Variants in NCALD observed in about 807,000 individuals in gnomAD.
NCALD encodes neurocalcin delta.
Under a neutral mutation model 18.6 loss-of-function variants are expected in NCALD, and 10 were observed. The observed-to-expected ratio is 0.54, with a 90% CI of 0.33 to 0.91. NCALD has a LOEUF of 0.91. NCALD is among the 40% of genes least tolerant of loss of function. The pLI, the probability that NCALD is intolerant of heterozygous loss-of-function variation, is 0.03. For synonymous variants in NCALD, 88 were observed against 87.4 expected (o/e 1.01, Z -0.04); for missense variants, 184 against 247.6 (o/e 0.74, Z 1.72).
At chr8:102,078,182 A>C (rs1208166423) in intron 1 of NCALD, among the ~76,000 whole-genome samples, 3 of 151,908 alleles carry the variant, frequency 2.0e-5, no homozygotes, top group Admixed American at 6.6e-5. Flanking sequence ...ACCTCAATTT[A>C]TCTCTTCTTT....
intron 2 of NCALD, among the ~76,000 whole-genome samples, chr8:101,964,412 C>A (rs1819947666): frequency 6.6e-6 from 1 of 152,146 alleles, no homozygotes; most frequent in Non-Finnish European, 1.5e-5. Flanking sequence ...TGCATAGATT[C>A]AAAGGCAAGG....
At chr8:101,801,643 C>CTTTTTCTTTTTTTTTTT (rs1563783000) in intron 4 of NCALD, among the ~76,000 whole-genome samples, 2 of 44,140 alleles carry the variant, frequency 4.5e-5, no homozygotes, top group Non-Finnish European at 1.1e-4. Flanking sequence ...AGCACACTTA[C>CTTTTTCTTTTTTTTTTT]TTTTTTTTTT....
At chr8:101,780,696 A>G (rs1811976659) in intron 1 of NCALD, among the ~76,000 whole-genome samples, 1 of 152,200 alleles carries the variant, frequency 6.6e-6, no homozygotes, top group African/African-American at 2.4e-5. Context: ...AAACGTACAC[A>G]TAAAGATGGC....
At chr8:101,690,878 C>T (rs576250880) in intron 3 of NCALD, 3 of 985,330 alleles carry the variant, frequency 3.0e-6, no homozygotes, top group Non-Finnish European at 2.4e-6. Flanking sequence ...TCTCAGGGGT[C>T]GGCTCTGGGA....
intron 3 of NCALD, among the ~76,000 whole-genome samples, chr8:101,903,063 C>T (rs1817492719): frequency 6.6e-6 from 1 of 152,202 alleles, no homozygotes; most frequent in South Asian, 2.1e-4. Flanking sequence ...CTTATGCGTG[C>T]TCCTTCCATC....
At chr8:102,007,782 C>T (rs1821762978) in intron 2 of NCALD, among the ~76,000 whole-genome samples, 1 of 152,194 alleles carries the variant, frequency 6.6e-6, no homozygotes, top group African/African-American at 2.4e-5. Context: ...CAGTGCATGT[C>T]CACACCCTCC....
At chr8:102,000,249 T>C (rs1821401819) in intron 2 of NCALD, among the ~76,000 whole-genome samples, 1 of 152,056 alleles carries the variant, frequency 6.6e-6, no homozygotes, top group Admixed American at 6.5e-5. Context: ...GCTCAGAGGG[T>C]CCTACACCCA....
At chr8:101,703,853 A>C (rs140283351) in intron 2 of NCALD, among the ~76,000 whole-genome samples, 36 of 152,274 alleles carry the variant, frequency 2.4e-4, no homozygotes, top group Non-Finnish European at 4.9e-4. Context: ...CAGTCAGTCT[A>C]CACAAGACTG....
intron 1 of NCALD, among the ~76,000 whole-genome samples, chr8:101,742,444 T>A (rs1255380503): frequency 6.6e-6 from 1 of 152,220 alleles, no homozygotes; most frequent in Non-Finnish European, 1.5e-5. Context: ...CAATTGCTTA[T>A]TTCTTTAAGA....
rs78208883 is a variant in NCALD, at chr8:102,112,196, A to G, written c.-210+12041T>C. Among the ~76,000 whole-genome samples the G allele has an allele frequency of 8.3e-3, 1,266 of 152,292 alleles. 12 individuals carry two copies. Among genetic ancestry groups the G allele is most frequent in the African/African-American group, 0.028 (1,153 of 41,558 alleles). On this transcript the variant is annotated intron_variant, in intron 1 of 6. Coordinates refer to the NCALD transcript ENST00000311028. ...TAAGAACAGCAGCATCAGCACTTCTATTGGTGAGATGCTGCATCTTCTCCT... is the reference window on the plus strand; with the variant it reads ...TAAGAACAGCAGCATCAGCACTTCTGTTGGTGAGATGCTGCATCTTCTCCT...
chr8:102,018,090 A>G (rs988739032), intron 2 of NCALD, among the ~76,000 whole-genome samples: 32 of 152,226 alleles, frequency 2.1e-4, no homozygotes, highest in African/African-American at 6.5e-4. Context: ...ACCAAGTGCT[A>G]GAGGAGCTGT....
chr8:101,751,837 T>C (rs575499079), intron 1 of NCALD, among the ~76,000 whole-genome samples: 1 of 152,318 alleles, frequency 6.6e-6, no homozygotes, highest in Admixed American at 6.5e-5. Context: ...TTTCAAAGGC[T>C]GCCAGGCCCT....
chr8:101,811,581 C>T (rs1380597052), intron 4 of NCALD, among the ~76,000 whole-genome samples: 1 of 152,186 alleles, frequency 6.6e-6, no homozygotes, highest in Admixed American at 6.5e-5. Context: ...GTGCTGAGTG[C>T]ATGGTCTGAG....
intron 2 of NCALD, among the ~76,000 whole-genome samples, chr8:101,965,206 C>T (rs953189226): frequency 3.9e-5 from 6 of 152,058 alleles, no homozygotes; most frequent in African/African-American, 7.2e-5. Flanking sequence ...GACAGTGTGG[C>T]GATTCCTCAA....
At chr8:102,036,667 C>T (rs1822876774) in intron 1 of NCALD, among the ~76,000 whole-genome samples, 1 of 151,870 alleles carries the variant, frequency 6.6e-6, no homozygotes, top group African/African-American at 2.4e-5. Flanking sequence ...CCCAGCTATT[C>T]AGGAGGCTGA....
chr8:101,821,386 T>C (rs1225679377), intron 4 of NCALD, among the ~76,000 whole-genome samples: 6 of 152,190 alleles, frequency 3.9e-5, no homozygotes, highest in Non-Finnish European at 7.3e-5. Flanking sequence ...TGACCTTTGA[T>C]AGGTAGGTAT....
rs566027819 is a variant in NCALD at position 102,107,237 on chromosome 8, T to C, written c.-210+17000A>G. Among the ~76,000 whole-genome samples, 509 of 106,032 alleles carry C rather than the reference T, an allele frequency of 4.8e-3. 6 individuals are homozygous for C. Among genetic ancestry groups the C allele is most frequent in the African/African-American group, 0.017 (472 of 27,778 alleles). 69.6% of individuals were successfully genotyped at this position (106,032 alleles called of 152,430 possible). On this transcript the variant is annotated intron_variant, in intron 1 of 6. Transcript: ENST00000311028. ...ATATATATATATATATATATATATATATACACATAGAAATATTCTTCAAAT... is the reference window on the plus strand; with the variant it reads ...ATATATATATATATATATATATATACATACACATAGAAATATTCTTCAAAT...
At chr8:102,074,184 A>G (rs1824269624) in intron 1 of NCALD, among the ~76,000 whole-genome samples, 1 of 152,252 alleles carries the variant, frequency 6.6e-6, no homozygotes, top group Admixed American at 6.5e-5. Flanking sequence ...TGAAATGTAC[A>G]GAGCCAGAAG....
At chr8:101,842,772 A>G (rs573069487) in intron 4 of NCALD, among the ~76,000 whole-genome samples, 1 of 152,348 alleles carries the variant, frequency 6.6e-6, no homozygotes, top group South Asian at 2.1e-4. Context: ...TGAATCTGGC[A>G]GAGCAAATAT....
Sources: gnomAD v4.1 joint callset for allele counts (sites outside exome capture counted in the v4.1 genomes callset) on GRCh38, gnomAD v4.1.1 for gene constraint, MANE v1.5 for transcripts, NCBI Gene and HGNC (gene_info 2026-07-23, HGNC 2026-07-21) for gene names.